The following UBE2V2 variants were observed in gnomAD, a reference collection of about 807,000 sequenced individuals.
UBE2V2 encodes ubiquitin-conjugating enzyme E2 variant 2.
In UBE2V2, 9 loss-of-function variants were observed where a neutral mutation model predicts 17.2. The ratio of observed to expected loss-of-function variants is 0.52; its 90% CI spans 0.32 to 0.91. The LOEUF (loss-of-function observed/expected upper bound fraction) is 0.91, where lower values mean the gene tolerates loss of function less well. Among genes scored for constraint, UBE2V2 ranks in the 40% least tolerant of loss-of-function variants. UBE2V2 has a pLI of 0.04. For synonymous variants in UBE2V2, 61 were observed against 57.5 expected (o/e 1.06, Z -0.28); for missense variants, 133 against 182.6 (o/e 0.73, Z 1.56).
intron 1 of UBE2V2, among the ~76,000 whole-genome samples, chr8:48,019,218 A>G (rs552618372): frequency 3.3e-5 from 5 of 152,140 alleles, no homozygotes; most frequent in Non-Finnish European, 7.4e-5. Flanking sequence ...TACAAAAATT[A>G]GCCAGGTGTG....
rs1802628638 is a variant in UBE2V2 at position 48,063,954 on chromosome 8, G to T, written c.*3126G>T. 2 of 152,164 alleles carry T rather than the reference G, an allele frequency of 1.3e-5. No homozygotes were observed. Among genetic ancestry groups the T allele is most frequent in the African/African-American group, 4.8e-5 (2 of 41,442 alleles). The allele number at this position is 152,164 out of a possible 1,614,324, so 9.4% of individuals were successfully genotyped here. A position where few individuals can be genotyped will look rare whatever the true frequency, so the allele number is the denominator to read the frequency against. On this transcript the variant is annotated 3_prime_UTR_variant, in exon 4 of 4. Transcript: ENST00000523111. ...TTTGGAAAATGTAGAGGACACAGCT[G>T]GGAATTATGAATGCTTTTTTCTTAA...
chr8:48,061,192 C>T lies in UBE2V2; in HGVS notation c.*364C>T, dbSNP rs1802586476. On this transcript the variant is annotated 3_prime_UTR_variant, in exon 4 of 4. Transcript: ENST00000523111. ...AAGAAAACAGAAATGGCATGCTTTA[C>T]CCATCTTACTTAGTGAAAGAGAGCT... 2 of 156,156 alleles carry T rather than the reference C, an allele frequency of 1.3e-5. No homozygotes were observed. Among genetic ancestry groups the T allele is most frequent in the Admixed American group, 1.3e-4 (2 of 15,364 alleles). The allele number at this position is 156,156 out of a possible 1,614,324, so 9.7% of individuals were successfully genotyped here.
intron 1 of UBE2V2, among the ~76,000 whole-genome samples, chr8:48,026,873 TTATG>T (rs1227084775): frequency 6.6e-6 from 1 of 152,186 alleles, no homozygotes; most frequent in Non-Finnish European, 1.5e-5. Context: ...CTGTAAACAT[TTATG>T]TACACGTTCC....
intron 1 of UBE2V2, among the ~76,000 whole-genome samples, chr8:48,013,059 C>A (rs1388621791): frequency 6.6e-6 from 1 of 152,002 alleles, no homozygotes; most frequent in East Asian, 2.0e-4. Flanking sequence ...GTTGGCCAGG[C>A]TGGTTTCAAA....
chr8:48,008,361 T>G, upstream of UBE2V2: 1 of 1,444,246 alleles, frequency 6.9e-7, no homozygotes, highest in Non-Finnish European at 9.1e-7. Context: ...GGGGGCGGAG[T>G]CCGCTGTGAC....
chr8:48,012,858 T>C (rs2091243254), intron 1 of UBE2V2, among the ~76,000 whole-genome samples: 1 of 152,182 alleles, frequency 6.6e-6, no homozygotes, highest in Non-Finnish European at 1.5e-5. Flanking sequence ...CCTTTTTTTT[T>C]CTTTCGGGAT....
the UBE2V2 span, among the ~76,000 whole-genome samples, chr8:47,998,335 G>C: frequency 1.1e-4 from 17 of 151,958 alleles, no homozygotes; most frequent in Admixed American, 1.1e-3. Flanking sequence ...AAGAAGAAGA[G>C]ACTGCCGGTG....
At chr8:48,030,867 C>G (rs1026886334) in intron 1 of UBE2V2, among the ~76,000 whole-genome samples, 1 of 152,062 alleles carries the variant, frequency 6.6e-6, no homozygotes, top group Non-Finnish European at 1.5e-5. Context: ...ACTAAAAATA[C>G]AAAAATTAGC....
chr8:48,059,155 G>T (rs1402652827), intron 3 of UBE2V2, among the ~76,000 whole-genome samples: 1 of 151,530 alleles, frequency 6.6e-6, no homozygotes, highest in African/African-American at 2.4e-5. Flanking sequence ...GGCTGTTCTC[G>T]AACTCCTGAA....
intron 3 of UBE2V2, among the ~76,000 whole-genome samples, chr8:48,058,247 T>TCC (rs1383832842): frequency 2.0e-5 from 3 of 151,890 alleles, no homozygotes; most frequent in Non-Finnish European, 4.4e-5. Flanking sequence ...GGCGGGTGGA[T>TCC]CATGAGGTCA....
chr8:48,039,643 A>G (rs1284574848), intron 1 of UBE2V2, among the ~76,000 whole-genome samples: 1 of 152,052 alleles, frequency 6.6e-6, no homozygotes, highest in African/African-American at 2.4e-5. Context: ...CCTATAATTG[A>G]TTTTTATGTA....
At chr8:48,046,512 G>T (rs1012759666) in intron 2 of UBE2V2, among the ~76,000 whole-genome samples, 24 of 152,162 alleles carry the variant, frequency 1.6e-4, no homozygotes, top group African/African-American at 5.8e-4. Flanking sequence ...CTCGGCCTTC[G>T]CAAAGTGCTA....
chr8:48,043,960 A>G (rs1369748481), intron 2 of UBE2V2, among the ~76,000 whole-genome samples: 2 of 149,334 alleles, frequency 1.3e-5, no homozygotes, highest in Admixed American at 1.3e-4. Flanking sequence ...TCCTTACTTA[A>G]TGGTCCCATC....
chr8:48,040,210 T>C (rs1485171668), intron 1 of UBE2V2, among the ~76,000 whole-genome samples: 2 of 152,084 alleles, frequency 1.3e-5, no homozygotes, highest in African/African-American at 4.8e-5. Flanking sequence ...ACATTCGATT[T>C]TGTTTTTTGG....
At chr8:48,033,660 C>CT (rs2091399999) in intron 1 of UBE2V2, among the ~76,000 whole-genome samples, 1 of 151,956 alleles carries the variant, frequency 6.6e-6, no homozygotes, top group Non-Finnish European at 1.5e-5. Context: ...ATAGCAAACT[C>CT]TTATTAAAAG....
chr8:48,023,690 GGT>G (rs1260048000), intron 1 of UBE2V2, among the ~76,000 whole-genome samples: 1 of 151,974 alleles, frequency 6.6e-6, no homozygotes, highest in African/African-American at 2.4e-5. Flanking sequence ...TGGCCAACAT[GGT>G]GATACCCTAT....
chr8:48,039,107 C>G (rs1303684587), intron 1 of UBE2V2, among the ~76,000 whole-genome samples: 1 of 151,902 alleles, frequency 6.6e-6, no homozygotes, highest in Non-Finnish European at 1.5e-5. Context: ...ACCATGCTGG[C>G]CAGGCTGGTC....
rs1802630894 is a variant in UBE2V2, at chr8:48,064,097, AG to A, written c.*3271del. The stretch of plus-strand genomic sequence containing the variant: ...CTTTTAATGAGCATGTGACTGTATT[AG>A]GTACATTTTGAAGAATATAAGTACT... On this transcript the variant is annotated 3_prime_UTR_variant, in exon 4 of 4. Coordinates refer to ENST00000523111, the MANE Select transcript of UBE2V2 (RefSeq NM_003350.3). 6.6e-6 allele frequency: 1 copy of A among 152,188 alleles called. No homozygotes were observed. The highest frequency in any genetic ancestry group is 2.4e-5 in the African/African-American group (1 of 41,450). 9.4% of individuals were successfully genotyped at this position (152,188 alleles called of 1,614,324 possible).
At chr8:48,029,838 T>G (rs1231823730) in intron 1 of UBE2V2, among the ~76,000 whole-genome samples, 3 of 152,232 alleles carry the variant, frequency 2.0e-5, no homozygotes, top group African/African-American at 7.2e-5. Flanking sequence ...TTAATATGGC[T>G]TTCTGACTGT....
Sources: allele counts gnomAD v4.1 joint callset (sites outside exome capture counted in the v4.1 genomes callset), GRCh38; gene constraint gnomAD v4.1.1; transcripts MANE v1.5; gene names NCBI Gene and HGNC (gene_info 2026-07-23, HGNC 2026-07-21).